The following RPL31 variants were observed in gnomAD, a reference collection of about 807,000 sequenced individuals.
RPL31 encodes large ribosomal subunit protein eL31.
For synonymous variants in RPL31, 51 were observed against 55.0 expected (o/e 0.93, Z 0.32); for missense variants, 95 against 164.0 (o/e 0.58, Z 2.30).
At chr2:101,005,360 G>A (rs1261163943) in intron 3 of RPL31, 2 of 153,316 alleles carry the variant, frequency 1.3e-5, no homozygotes, top group Non-Finnish European at 2.9e-5. Context: ...CCAGGCTGGA[G>A]CGCAATGGCG....
At chr2:101,007,981 A>G, downstream of RPL31, 1 of 1,614,068 alleles carries the variant, frequency 6.2e-7, no homozygotes, top group Non-Finnish European at 8.5e-7. Context: ...TGAAGCTAAA[A>G]TATGTTCAAG....
Position 101,005,801 on chromosome 2 carries a change from G to T in RPL31, c.234-158G>T, listed in dbSNP as rs1299047422. On this transcript the variant is annotated intron_variant, in intron 3 of 4. Transcript: ENST00000264258. ...AACAGCATTTAATGTTCACCTGGGG[G>T]TTATGTTTCATTTTCCAGGGAACTG... 8 of 640,648 alleles carry T rather than the reference G, an allele frequency of 1.2e-5. 1 individual carries two copies. The highest frequency in any genetic ancestry group is 9.3e-5 in the Admixed American group (3 of 32,300). The allele number at this position is 640,648 out of a possible 1,614,324, so 39.7% of individuals were successfully genotyped here.
chr2:101,018,049 C>G, intron 4 of RPL31: 1 of 980,144 alleles, frequency 1.0e-6, no homozygotes, highest in Non-Finnish European at 1.5e-6. Flanking sequence ...TTTTCACTGA[C>G]AAATGTAATG....
chr2:101,006,292 A>G, intron 4 of RPL31, 58 bp from the exon 5 acceptor site: 1 of 1,586,728 alleles, frequency 6.3e-7, no homozygotes, highest in Non-Finnish European at 8.5e-7. Context: ...AAAGGTTTTT[A>G]GAGTTGAAAT....
At chr2:101,011,063 A>T (rs1679173134), downstream of RPL31, 2 of 1,593,110 alleles carry the variant, frequency 1.3e-6, no homozygotes, top group Non-Finnish European at 1.7e-6. Flanking sequence ...GTTTAATTTA[A>T]ATAAATTCAG....
intron 4 of RPL31, among the ~76,000 whole-genome samples, chr2:101,016,401 A>C (rs1236687966): frequency 1.3e-5 from 2 of 151,998 alleles, no homozygotes; most frequent in East Asian, 3.9e-4. Flanking sequence ...TTAGAATGGC[A>C]ATCATTAAAA....
chr2:101,018,195 A>C, intron 4 of RPL31: 3 of 346,670 alleles, frequency 8.7e-6, no homozygotes, highest in Non-Finnish European at 1.6e-5. Context: ...TTAGAATTCA[A>C]ATTATAACAC....
chr2:101,012,438 G>A (rs13403949), intron 4 of RPL31, among the ~76,000 whole-genome samples: 8,031 of 152,204 alleles, frequency 0.053, 719 homozygotes, highest in African/African-American at 0.18. Context: ...GAGAGAAGTC[G>A]AACATGATAC....
At chr2:101,008,153 C>T (rs1174515353), downstream of RPL31, 2 of 1,613,822 alleles carry the variant, frequency 1.2e-6, no homozygotes, top group Non-Finnish European at 8.5e-7. Flanking sequence ...CCTCGCTGCC[C>T]CACCTCCCCG....
Position 101,002,647 on chromosome 2 carries a change from A to C in RPL31, c.1-55A>C, listed in dbSNP as rs182067344. ...TGACAGCGTGAGGCTGGGAGGGAGGACTTGGCTTGAGCTTGTTAAACTCTG... is the reference window on the plus strand; with the variant it reads ...TGACAGCGTGAGGCTGGGAGGGAGGCCTTGGCTTGAGCTTGTTAAACTCTG... On this transcript the variant is annotated intron_variant, in intron 1 of 4. Coordinates refer to ENST00000264258, the MANE Select transcript of RPL31 (RefSeq NM_000993.5). The C allele has an allele frequency of 6.0e-4, 834 of 1,385,740 alleles. 4 individuals carry two copies. The African/African-American group carries it at 0.011, about 18-fold the overall frequency. The allele number at this position is 1,385,740 out of a possible 1,614,324, so 85.8% of individuals were successfully genotyped here. A position where few individuals can be genotyped will look rare whatever the true frequency, so the allele number is the denominator to read the frequency against.
rs542018150 is a variant in RPL31 at position 101,002,573 on chromosome 2, G to GAC, written c.1-128_1-127dup. 1.9e-4 allele frequency: 142 copies of GAC among 748,502 alleles called. No individual in the cohort carries two copies. The African/African-American group carries it at 2.2e-3, about 11-fold the overall frequency. The allele number at this position is 748,502 out of a possible 1,614,324, so 46.4% of individuals were successfully genotyped here. On this transcript the variant is annotated intron_variant, in intron 1 of 4. Transcript: ENST00000264258. ...GGCGCGGGTGCGTGGGCCACTGGGT[G>GAC]ACCGACTTAGCCTGGCCAGACTCTC...
intron 4 of RPL31, among the ~76,000 whole-genome samples, chr2:101,015,861 G>C (rs1311766293): frequency 1.3e-5 from 2 of 152,098 alleles, no homozygotes; most frequent in Non-Finnish European, 2.9e-5. Context: ...GGGAAAACTG[G>C]CTAGCCATAT....
At chr2:101,014,572 A>G (rs1679474340) in intron 4 of RPL31, among the ~76,000 whole-genome samples, 1 of 152,154 alleles carries the variant, frequency 6.6e-6, no homozygotes, top group South Asian at 2.1e-4. Flanking sequence ...TCCTGGCTGG[A>G]TTCATCATTT....
At chr2:101,016,810 A>T (rs1437038533) in intron 4 of RPL31, among the ~76,000 whole-genome samples, 1 of 152,142 alleles carries the variant, frequency 6.6e-6, no homozygotes, top group Admixed American at 6.5e-5. Context: ...CATTCTCAGT[A>T]AACTATCACA....
chr2:101,007,100 A>T lies in RPL31; in HGVS notation c.*719A>T, dbSNP rs920093340. The T allele has an allele frequency of 2.0e-5, 3 of 152,300 alleles. No individual in the cohort carries two copies. Among genetic ancestry groups the T allele is most frequent in the Non-Finnish European group, 2.9e-5 (2 of 68,116 alleles). The allele number at this position is 152,300 out of a possible 1,614,324, so 9.4% of individuals were successfully genotyped here. On this transcript the variant is annotated 3_prime_UTR_variant, in exon 5 of 5. Coordinates refer to ENST00000264258, the MANE Select transcript of RPL31 (RefSeq NM_000993.5). ...AGGGCACACCCAAGGCAGGGCTGAG[A>T]AGTACCTAGTAGTGTTGCACCACCC...
At chr2:101,017,934 G>T (rs1487099211) in intron 4 of RPL31, 2 of 1,550,450 alleles carry the variant, frequency 1.3e-6, no homozygotes, top group Admixed American at 3.9e-5. Context: ...GAAAGCAAAT[G>T]GCATTTTCTT....
At chr2:101,017,989 A>T in intron 4 of RPL31, 1 of 1,484,488 alleles carries the variant, frequency 6.7e-7, no homozygotes, top group Non-Finnish European at 9.2e-7. Flanking sequence ...AACGGTTCCA[A>T]TGCTCGCAAT....
chr2:101,004,411 G>T, intron 3 of RPL31, 128 bp downstream of exon 3: 1 of 937,042 alleles, frequency 1.1e-6, no homozygotes, highest in Non-Finnish European at 1.6e-6. Flanking sequence ...AAAAAATACT[G>T]TGACCGTGAC....
chr2:101,003,311 C>CTGTTT lies in RPL31; in HGVS notation c.107+519_107+523dup, dbSNP rs746420753. On this transcript the variant is annotated intron_variant, in intron 2 of 4. Transcript: ENST00000264258. ...TTGAGTCCAATATCACCCTGGCCAT[C>CTGTTT]TGTTTTGTTTTGTTTTGTTTGAGAC... is the stretch of plus-strand genomic sequence containing the variant. Among the ~76,000 whole-genome samples the CTGTTT allele has an allele frequency of 1.4e-3, 209 of 152,192 alleles. 3 individuals carry two copies. The highest frequency in any genetic ancestry group is 3.9e-3 in the Admixed American group (59 of 15,276).
Sources: gnomAD v4.1 joint callset for allele counts (sites outside exome capture counted in the v4.1 genomes callset) on GRCh38, gnomAD v4.1.1 for gene constraint, MANE v1.5 for transcripts, NCBI Gene and HGNC (gene_info 2026-07-23, HGNC 2026-07-21) for gene names.